Variants in CSMD1 observed in about 807,000 individuals in gnomAD.
CSMD1 encodes the protein CUB and sushi domain-containing protein 1.
Under a neutral mutation model 417.5 loss-of-function variants are expected in CSMD1, and 213 were observed. The ratio of observed to expected loss-of-function variants is 0.51; its 90% CI spans 0.46 to 0.57. The LOEUF (loss-of-function observed/expected upper bound fraction) is 0.57. CSMD1 is among the 20% of genes least tolerant of loss of function. CSMD1 has a pLI of 0.00. For synonymous variants in CSMD1, 2,862 were observed against 1,736.8 expected, an observed-to-expected ratio of 1.65 and a Z score of -16.11; for missense variants, 6,923 against 4,529.7, an observed-to-expected ratio of 1.53 and a Z score of -15.17.
chr8:3,621,950 A>T (rs1453397863), intron 7 of CSMD1, among the ~76,000 whole-genome samples: 1 of 149,556 alleles, frequency 6.7e-6, no homozygotes, highest in Non-Finnish European at 1.5e-5. Context: ...GCCTGATGTT[A>T]CTTCTGTCTT....
chr8:4,683,679 T>G (rs1196484297), intron 1 of CSMD1, among the ~76,000 whole-genome samples: 1 of 152,224 alleles, frequency 6.6e-6, no homozygotes, highest in African/African-American at 2.4e-5. Flanking sequence ...GCCAGTCCAG[T>G]GGCTCTGTTT....
At position 3,106,633 on chromosome 8, in the gene CSMD1, C is replaced by T. The variant is rs778516268; in HGVS notation, c.6844G>A (p.Val2282Met). The T allele has an allele frequency of 2.5e-6, 4 of 1,610,344 alleles. No individual in the cohort carries two copies. Among genetic ancestry groups the T allele is most frequent in the Non-Finnish European group, 3.4e-6 (4 of 1,177,122 alleles). Reference protein sequence around the residue: ...EDDDFEIGDFVKYQCHPGYTL... With the variant: ...EDDDFEIGDFMKYQCHPGYTL... ...TACCCGGGGTGGCACTGGTACTTCA[C>T]AAAATCTCCTAGAAGAGTCAATGCA... Residue 2282 changes from valine to methionine, a missense_variant, in exon 46 of 70, where the codon GTG (valine) becomes ATG (methionine). Coordinates refer to ENST00000635120, the MANE Select transcript of CSMD1 (RefSeq NM_033225.6).
chr8:3,488,024 T>C (rs17066246), intron 11 of CSMD1, among the ~76,000 whole-genome samples: 21,177 of 151,830 alleles, frequency 0.14, 1,569 homozygotes, highest in East Asian at 0.23. Context: ...AATCAAAATA[T>C]ACTTAGAAGA....
intron 7 of CSMD1, among the ~76,000 whole-genome samples, chr8:3,650,033 C>G (rs1043436265): frequency 6.6e-6 from 1 of 152,160 alleles, no homozygotes; most frequent in Non-Finnish European, 1.5e-5. Flanking sequence ...AATCCCAGCA[C>G]TTTGGGAAGC....
intron 3 of CSMD1, among the ~76,000 whole-genome samples, chr8:4,380,149 G>C (rs896572556): frequency 6.6e-6 from 1 of 152,194 alleles, no homozygotes. Flanking sequence ...CTACATATCT[G>C]CCCTCAGAAG....
chr8:4,262,722 C>T (rs1021715675), intron 3 of CSMD1, among the ~76,000 whole-genome samples: 30 of 152,178 alleles, frequency 2.0e-4, no homozygotes, highest in African/African-American at 6.8e-4. Flanking sequence ...CCAAAATCCA[C>T]TTCCCTTTTG....
At chr8:3,968,558 G>T (rs566205538) in intron 5 of CSMD1, among the ~76,000 whole-genome samples, 1 of 152,064 alleles carries the variant, frequency 6.6e-6, no homozygotes, top group Non-Finnish European at 1.5e-5. Context: ...CAGAAGGTTT[G>T]AACAATAACC....
At chr8:3,497,826 T>C (rs964171670) in intron 10 of CSMD1, among the ~76,000 whole-genome samples, 2 of 152,240 alleles carry the variant, frequency 1.3e-5, no homozygotes, top group Non-Finnish European at 2.9e-5. Flanking sequence ...ATTTTTGTGG[T>C]TTGGTGGTTT....
At chr8:3,313,430 C>T (rs1321184760) in intron 23 of CSMD1, among the ~76,000 whole-genome samples, 1 of 152,156 alleles carries the variant, frequency 6.6e-6, no homozygotes, top group Non-Finnish European at 1.5e-5. Flanking sequence ...AAAAAAACAA[C>T]CCCATCAAAA....
At chr8:4,246,422 G>C (rs1005255785) in intron 3 of CSMD1, among the ~76,000 whole-genome samples, 1 of 152,154 alleles carries the variant, frequency 6.6e-6, no homozygotes, top group Non-Finnish European at 1.5e-5. Context: ...ATAAGTTGTA[G>C]AGAAAGGGCA....
intron 3 of CSMD1, among the ~76,000 whole-genome samples, chr8:4,195,034 T>G (rs1449824983): frequency 6.6e-6 from 1 of 152,176 alleles, no homozygotes; most frequent in Non-Finnish European, 1.5e-5. Context: ...TTTCACTATC[T>G]ACAATTTAAA....
chr8:3,169,183 G>A lies in CSMD1; in HGVS notation c.5726-6906C>T, dbSNP rs190370014. On this transcript the variant is annotated intron_variant, in intron 37 of 69. Coordinates refer to ENST00000635120, the MANE Select transcript of CSMD1 (RefSeq NM_033225.6). ...TGCATTACACATGTGCAGGAATCAT[G>A]CATCTCAGTGAATTACAGACTCCAC... Among the ~76,000 whole-genome samples, 297 of 152,274 alleles carry A rather than the reference G, an allele frequency of 2.0e-3. 1 individual carries two copies. The highest frequency in any genetic ancestry group is 6.9e-3 in the African/African-American group (286 of 41,560).
intron 3 of CSMD1, among the ~76,000 whole-genome samples, chr8:4,169,948 CGTGT>C (rs1797675891): frequency 6.7e-6 from 1 of 149,822 alleles, no homozygotes; most frequent in South Asian, 2.1e-4. Context: ...TTTTGGCTTG[CGTGT>C]GTGTTTTCCT....
rs555614894 is a variant in CSMD1 at position 3,384,058 on chromosome 8, C to T, written c.2782+3436G>A. ...TCAACCCTGGGAGGCAGTGACTGGGCGAGGCTGTGAAAGCGAAGTGTGGAG... is the reference window on the plus strand; with the variant it reads ...TCAACCCTGGGAGGCAGTGACTGGGTGAGGCTGTGAAAGCGAAGTGTGGAG... On this transcript the variant is annotated intron_variant, in intron 18 of 69. Transcript: ENST00000635120. Among the ~76,000 whole-genome samples the T allele has an allele frequency of 7.9e-5, 12 of 152,062 alleles. No individual in the cohort carries two copies. In the East Asian group the frequency reaches 2.3e-3, roughly 29 times the overall value.
At chr8:4,835,580 C>A (rs1391860584) in intron 1 of CSMD1, among the ~76,000 whole-genome samples, 2 of 152,120 alleles carry the variant, frequency 1.3e-5, no homozygotes, top group South Asian at 4.1e-4. Context: ...TTGGAATTAT[C>A]CTAACACAAA....
At chr8:4,509,542 G>A (rs569990570) in intron 2 of CSMD1, among the ~76,000 whole-genome samples, 8 of 152,246 alleles carry the variant, frequency 5.3e-5, no homozygotes, top group African/African-American at 1.4e-4. Flanking sequence ...AAATCACATG[G>A]AAATGGAAAG....
intron 12 of CSMD1, among the ~76,000 whole-genome samples, chr8:3,465,779 C>T (rs1465669621): frequency 1.3e-5 from 2 of 151,946 alleles, no homozygotes; most frequent in Non-Finnish European, 2.9e-5. Flanking sequence ...AAATTCAAGT[C>T]GATGTTAAAA....
chr8:3,915,622 A>G (rs1808765214), intron 5 of CSMD1, among the ~76,000 whole-genome samples: 1 of 151,256 alleles, frequency 6.6e-6, no homozygotes, highest in South Asian at 2.1e-4. Context: ...AAAGCTTATC[A>G]TATAATTATA....
chr8:2,996,104 C>A (rs1259383710), intron 54 of CSMD1, among the ~76,000 whole-genome samples: 1 of 152,006 alleles, frequency 6.6e-6, no homozygotes, highest in African/African-American at 2.4e-5. Flanking sequence ...TGGGAATCTA[C>A]AGTTATCTCA....
Sources: gnomAD v4.1 joint callset for allele counts (sites outside exome capture counted in the v4.1 genomes callset) on GRCh38, gnomAD v4.1.1 for gene constraint, MANE v1.5 for transcripts, NCBI Gene and HGNC (gene_info 2026-07-23, HGNC 2026-07-21) for gene names.